Variants in RFTN1 observed in about 807,000 individuals in gnomAD.
RFTN1 encodes the protein raftlin.
In RFTN1, 26 loss-of-function variants were observed where a neutral mutation model predicts 46.5. That is an observed-to-expected ratio of 0.56 (90% CI 0.41 to 0.78). The LOEUF (loss-of-function observed/expected upper bound fraction) is 0.78. Among genes scored for constraint, RFTN1 ranks in the 30% least tolerant of loss-of-function variants. The probability of loss-of-function intolerance (pLI) is 0.00; values close to 1 mark genes in which losing one functional copy is unlikely to be tolerated. For missense variants in RFTN1, 693 were observed against 718.7 expected (o/e 0.96, Z 0.41); for synonymous variants, 261 against 284.2 (o/e 0.92, Z 0.82).
chr3:16,447,442 A>C lies in RFTN1; in HGVS notation c.146-13405T>G, dbSNP rs1246412327. ...GCTCCGGCTCCATTAACCAATTTGC[A>C]TGCAAAATCGACATCAGCACTCTCT... On this transcript the variant is annotated intron_variant, in intron 2 of 9. Transcript: ENST00000334133. The surrounding 1 kb of genome is among the most constrained non-coding windows in gnomAD (Gnocchi z 5.9). Among the ~76,000 whole-genome samples the C allele has an allele frequency of 1.3e-5, 2 of 152,242 alleles. No individual in the cohort carries two copies. Among genetic ancestry groups the C allele is most frequent in the Non-Finnish European group, 1.5e-5 (1 of 68,044 alleles).
At position 16,320,462 on chromosome 3, in the gene RFTN1, G is replaced by A. The variant is rs2068921411; in HGVS notation, c.1332+2914C>T. On this transcript the variant is annotated intron_variant, in intron 9 of 9. Coordinates refer to ENST00000334133, the MANE Select transcript of RFTN1 (RefSeq NM_015150.2). The surrounding 1 kb of genome is among the most constrained non-coding windows in gnomAD (Gnocchi z 4.5). ...TCATTCATTGATTCGACAAGTATCT[G>A]TTGAGCACCAACTAAAATCTGGGTA... Among the ~76,000 whole-genome samples, 1 of 152,250 alleles carries A rather than the reference G, an allele frequency of 6.6e-6. No individual in the cohort carries two copies. The highest frequency in any genetic ancestry group is 2.4e-5 in the African/African-American group (1 of 41,464).
chr3:16,482,509 C>T (rs1394744560), intron 2 of RFTN1, among the ~76,000 whole-genome samples: 1 of 152,166 alleles, frequency 6.6e-6, no homozygotes, highest in African/African-American at 2.4e-5. Context: ...CCCGAGGGAC[C>T]TTTGGTATTG....
intron 4 of RFTN1, among the ~76,000 whole-genome samples, chr3:16,399,501 C>A (rs193162672): frequency 6.6e-6 from 1 of 152,168 alleles, no homozygotes; most frequent in African/African-American, 2.4e-5. Flanking sequence ...ACTCCTCCAT[C>A]GCTGAAATGC....
chr3:16,336,166 G>A lies in RFTN1; in HGVS notation c.1147-9290C>T, dbSNP rs1358535057. Among the ~76,000 whole-genome samples, 1 of 152,256 alleles carries A rather than the reference G, an allele frequency of 6.6e-6. No individual in the cohort carries two copies. The highest frequency in any genetic ancestry group is 1.9e-4 in the East Asian group (1 of 5,204). On this transcript the variant is annotated intron_variant, in intron 7 of 9. Coordinates refer to ENST00000334133, the MANE Select transcript of RFTN1 (RefSeq NM_015150.2). The surrounding 1 kb of genome is among the most constrained non-coding windows in gnomAD (Gnocchi z 6.0). ...AGTGGAAGGCAGATGCTGGAACACG[G>A]CGGGCAGTGTTGCAGAAAACTCCAC...
At chr3:16,359,890 G>A (rs2072715965) in intron 6 of RFTN1, among the ~76,000 whole-genome samples, 1 of 151,844 alleles carries the variant, frequency 6.6e-6, no homozygotes, top group Admixed American at 6.6e-5. Context: ...TCCTGGAACT[G>A]CCAGTATTTT....
intron 7 of RFTN1, among the ~76,000 whole-genome samples, chr3:16,347,126 G>A (rs2071775256): frequency 6.6e-6 from 1 of 152,162 alleles, no homozygotes; most frequent in South Asian, 2.1e-4. Context: ...AATTGTCCCA[G>A]TGTACAGCTC....
At chr3:16,464,609 A>G (rs2076060174) in intron 2 of RFTN1, among the ~76,000 whole-genome samples, 1 of 151,888 alleles carries the variant, frequency 6.6e-6, no homozygotes, top group Non-Finnish European at 1.5e-5. Context: ...TTACTCTGAT[A>G]TTTTAGAGCA....
chr3:16,378,672 T>C (rs483050), intron 4 of RFTN1, among the ~76,000 whole-genome samples: 98,412 of 152,008 alleles, frequency 0.65, 33,066 homozygotes, highest in African/African-American at 0.81. Context: ...AAATCCTCCC[T>C]GAGAGGTATC....
Position 16,341,886 on chromosome 3 carries a change from A to G in RFTN1, c.1147-15010T>C, listed in dbSNP as rs1033443879. On this transcript the variant is annotated intron_variant, in intron 7 of 9. Coordinates refer to ENST00000334133, the MANE Select transcript of RFTN1 (RefSeq NM_015150.2). This position sits in a 1 kb window ranked among gnomAD's most constrained non-coding sequence, Gnocchi z 4.7. Reference sequence around the variant, plus strand: ...CCATTTTTGTAAAAAATATGCAAATATAGATAGAATATACACAGGAAGGAT... The same window carrying G: ...CCATTTTTGTAAAAAATATGCAAATGTAGATAGAATATACACAGGAAGGAT... 2.0e-5 allele frequency among the ~76,000 whole-genome samples: 3 copies of G among 152,348 alleles called. No individual in the cohort carries two copies. The highest frequency in any genetic ancestry group is 7.2e-5 in the African/African-American group (3 of 41,596).
At chr3:16,486,060 C>T (rs542949501) in intron 2 of RFTN1, among the ~76,000 whole-genome samples, 9 of 152,306 alleles carry the variant, frequency 5.9e-5, no homozygotes, top group Admixed American at 2.6e-4. Flanking sequence ...GTGGGGAACT[C>T]GTGTCATCCC....
In RFTN1 at chr3:16,378,023, C is replaced by G; in HGVS notation, c.521G>C (p.Ser174Thr). 6.2e-7 allele frequency: 1 copy of G among 1,614,278 alleles called. No homozygotes were observed. The highest frequency in any genetic ancestry group is 8.5e-7 in the Non-Finnish European group (1 of 1,180,050). The change falls in exon 5 of 10, where the codon AGC becomes ACC. Residue 174 changes from serine to threonine, a missense_variant. Ser to Thr is a moderately conservative substitution (Grantham distance 58, BLOSUM62 1). Transcript: ENST00000334133. Reference sequence around the variant, plus strand: ...GTTGGCAGTAGACACCGGAGCACTGCTGCCTGCCGAGTTCACAGAGGAATG... The same window carrying G: ...GTTGGCAGTAGACACCGGAGCACTGGTGCCTGCCGAGTTCACAGAGGAATG... ...QYHSSVNSAG[S>T]SAPVSTANST...
rs377535581 is a variant in RFTN1, at chr3:16,505,102, C to T, written c.-9+8340G>A. 7.9e-5 allele frequency among the ~76,000 whole-genome samples: 12 copies of T among 152,336 alleles called. No homozygotes were observed. In the East Asian group the frequency reaches 1.3e-3, roughly 17 times the overall value. ...ACGCTTTCCTGGAATCTGCCTCCCC[C>T]TCATCCATCTAATTCCTATCTCCAG... On this transcript the variant is annotated intron_variant, in intron 1 of 9. Transcript: ENST00000334133.
chr3:16,392,652 T>C (rs1443294090), intron 4 of RFTN1, among the ~76,000 whole-genome samples: 1 of 132,700 alleles, frequency 7.5e-6, no homozygotes, highest in African/African-American at 3.3e-5. Flanking sequence ...ATAAAAGTTA[T>C]ATGTGTATAT....
intron 2 of RFTN1, among the ~76,000 whole-genome samples, chr3:16,476,091 C>G (rs2076277831): frequency 6.6e-6 from 1 of 152,334 alleles, no homozygotes; most frequent in East Asian, 1.9e-4. Flanking sequence ...TAGTTGCCAT[C>G]TTTCTGATCC....
At chr3:16,390,546 T>C (rs982864048) in intron 4 of RFTN1, among the ~76,000 whole-genome samples, 91 of 152,240 alleles carry the variant, frequency 6.0e-4, no homozygotes, top group African/African-American at 2.1e-3. Context: ...GTATGCAAAC[T>C]TAGGCTTAGT....
Position 16,370,372 on chromosome 3 carries a change from G to C in RFTN1, c.827-93C>G. The stretch of plus-strand genomic sequence containing the variant: ...CTTAAGTGGAATCTCTCAGGAGCCT[G>C]AATAAATGATATGATGAATGCTGAA... On this transcript the variant is annotated intron_variant, in intron 5 of 9. Coordinates refer to ENST00000334133, the MANE Select transcript of RFTN1 (RefSeq NM_015150.2). The surrounding 1 kb of genome is among the most constrained non-coding windows in gnomAD (Gnocchi z 5.5). 1 of 1,136,020 alleles carries C rather than the reference G, an allele frequency of 8.8e-7. No individual in the cohort carries two copies. The allele number at this position is 1,136,020 out of a possible 1,614,324, so 70.4% of individuals were successfully genotyped here.
intron 4 of RFTN1, among the ~76,000 whole-genome samples, chr3:16,388,005 G>T (rs1299393882): frequency 6.6e-6 from 1 of 152,180 alleles, no homozygotes; most frequent in African/African-American, 2.4e-5. Context: ...GCCAGTTAAG[G>T]CTGCTCGTTT....
At position 16,327,742 on chromosome 3, in the gene RFTN1, CAG is replaced by C. The variant is rs1480393915; in HGVS notation, c.1147-868_1147-867del. 1.3e-5 allele frequency among the ~76,000 whole-genome samples: 2 copies of C among 149,714 alleles called. No individual in the cohort carries two copies. The highest frequency in any genetic ancestry group is 1.3e-4 in the Admixed American group (2 of 14,972). On this transcript the variant is annotated intron_variant, in intron 7 of 9. Coordinates refer to ENST00000334133, the MANE Select transcript of RFTN1 (RefSeq NM_015150.2). The surrounding 1 kb of genome is among the most constrained non-coding windows in gnomAD (Gnocchi z 4.2). ...CACCACTGCACTCCAGCCTGGGTGA[CAG>C]AGCGGGATTCCCATCTCAAAAAAAA...
rs1559307239 is a variant in RFTN1 at position 16,378,053 on chromosome 3, TGAG to T, written c.488_490del (p.Pro163del). 1.9e-6 allele frequency: 3 copies of T among 1,614,260 alleles called. No homozygotes were observed. Among genetic ancestry groups the T allele is most frequent in the Non-Finnish European group, 2.5e-6 (3 of 1,180,044 alleles). On this transcript the variant is annotated inframe_deletion, in exon 5 of 10. Coordinates refer to ENST00000334133, the MANE Select transcript of RFTN1 (RefSeq NM_015150.2). The stretch of plus-strand genomic sequence containing the variant: ...TGCCGAGTTCACAGAGGAATGGTAC[TGAG>T]GTATAACACCAACGAATTTCAGGCC...
Sources: allele counts gnomAD v4.1 joint callset (sites outside exome capture counted in the v4.1 genomes callset), GRCh38; gene constraint gnomAD v4.1.1; non-coding constraint Gnocchi (gnomAD v3.1); transcripts MANE v1.5; gene names NCBI Gene and HGNC (gene_info 2026-07-23, HGNC 2026-07-21).